The following SEC16B variants were observed in gnomAD, a reference collection of about 807,000 sequenced individuals.
SEC16B encodes the protein SEC16 homolog B, endoplasmic reticulum export factor.
In SEC16B, 115 loss-of-function variants were observed where a neutral mutation model predicts 141.8. The ratio of observed to expected loss-of-function variants is 0.81; its 90% CI spans 0.70 to 0.95. The LOEUF is 0.95. SEC16B is among the 40% of genes least tolerant of loss of function. SEC16B has a pLI of 0.00. For synonymous variants in SEC16B, 493 were observed against 492.5 expected (o/e 1.00, Z -0.01); for missense variants, 1,291 against 1,312.3 (o/e 0.98, Z 0.25).
chr1:177,948,922 T>TAC (rs71108020), intron 12 of SEC16B, among the ~76,000 whole-genome samples: 29,027 of 149,108 alleles, frequency 0.19, 2,681 homozygotes, highest in African/African-American at 0.22. Context: ...TAGGTATAAA[T>TAC]ACACACACAC....
chr1:177,958,361 G>C lies in SEC16B; in HGVS notation c.1136C>G (p.Ser379Cys), dbSNP rs904015405. ...LLVLLCRQNG[S>C]MVGSDIAELL... ...CTCAGCGATGTCAGACCCCACCATG[G>C]ACTGTAAGGCAAAGAGGATCATCTG... The change falls in exon 10 of 26, where the codon TCC becomes TGC. Residue 379 changes from serine (S) to cysteine (C), a missense_variant and splice_region_variant. By Grantham distance (112) the Ser-to-Cys change is moderately radical. Around this residue, in one of 3 missense-constraint regions of SEC16B, gnomAD observed 681 missense variants for 675.5 expected, o/e 1.01. Transcript: ENST00000308284. The C allele has an allele frequency of 7.0e-6, 11 of 1,582,602 alleles. No individual in the cohort carries two copies. The highest frequency in any genetic ancestry group is 9.5e-6 in the Non-Finnish European group (11 of 1,163,688).
chr1:177,933,620 C>G lies in SEC16B; in HGVS notation c.2588G>C (p.Arg863Thr), dbSNP rs187677582. 44 of 1,613,918 alleles carry G rather than the reference C, an allele frequency of 2.7e-5. No homozygotes were observed. The highest frequency in any genetic ancestry group is 3.6e-5 in the Non-Finnish European group (42 of 1,179,830). Residue 863 changes from arginine to threonine, a missense_variant, in exon 21 of 26, where the codon AGA becomes ACA. Arg to Thr is a moderately conservative substitution (Grantham distance 71). Transcript: ENST00000308284. ...ISKPQTPLAA[R>T]PRSISESSAS... ...GGAACTCTCAGAAATACTTCGTGGT[C>G]TAGCAGCCAATGGTGTCTGGAATTA...
chr1:177,944,586 G>A lies in SEC16B; in HGVS notation c.1856C>T (p.Pro619Leu), dbSNP rs1331551888. 1 of 1,613,672 alleles carries A rather than the reference G, an allele frequency of 6.2e-7. No individual in the cohort carries two copies. Among genetic ancestry groups the A allele is most frequent in the Non-Finnish European group, 8.5e-7 (1 of 1,179,772 alleles). ...IFEYCQMLGR[P>L]KSFIPSFQVY... Reference sequence around the variant, plus strand: ...CTGGAAAGAAGGGATGAAGGATTTGGGGCGGCCCAGCATCTGACAGTACTC... The same window carrying A: ...CTGGAAAGAAGGGATGAAGGATTTGAGGCGGCCCAGCATCTGACAGTACTC... The change falls in exon 15 of 26, where the codon CCC becomes CTC. Residue 619 changes from proline to leucine, a missense_variant. By Grantham distance (98) the Pro-to-Leu change is moderately conservative. Transcript: ENST00000308284.
chr1:177,930,687 C>T (rs760932567), intron 24 of SEC16B, 44 bp from the exon 25 acceptor site: 3 of 1,433,726 alleles, frequency 2.1e-6, no homozygotes, highest in Non-Finnish European at 2.9e-6. Context: ...GCCTGCCTCC[C>T]AGATTCCAGA....
Position 177,947,903 on chromosome 1 carries a change from A to G in SEC16B, c.1585T>C (p.Leu529=), listed in dbSNP as rs1427457872. 3 of 1,559,082 alleles carry G rather than the reference A, an allele frequency of 1.9e-6. No individual in the cohort carries two copies. The South Asian group carries it at 3.6e-5, about 18-fold the overall frequency. The part of the protein sequence containing the change: ...EKQWGDWRPH[L]AVILSNQAGD... ...GCCTGATTCGACAGAATCACAGCCA[A>G]GTGAGGCCTCCAGTCTCCCCACTGC... The change falls in exon 13 of 26, where the codon TTG becomes CTG. Residue 529 remains leucine (L), a synonymous_variant. Transcript: ENST00000308284.
intron 20 of SEC16B, among the ~76,000 whole-genome samples, chr1:177,934,786 G>A (rs917408814): frequency 3.3e-5 from 5 of 152,286 alleles, no homozygotes; most frequent in Non-Finnish European, 5.9e-5. Flanking sequence ...AGGATGACCA[G>A]CACTGTGTGT....
chr1:177,965,320 A>G (rs1653429039), intron 3 of SEC16B, among the ~76,000 whole-genome samples, 153 bp from the exon 4 acceptor site: 1 of 152,146 alleles, frequency 6.6e-6, no homozygotes, highest in Admixed American at 6.5e-5. Context: ...GAGAGCTAAT[A>G]AAGAAAGTCC....
rs540147944 is a variant in SEC16B at position 177,964,349 on chromosome 1, G to A, written c.534-70C>T. ...CAGCAAGGCTGAGGCACTCTCCGCC[G>A]GAAGCTGACCTGCTCCAAAGCGTGG... On this transcript the variant is annotated intron_variant, in intron 4 of 25. Transcript: ENST00000308284. The A allele has an allele frequency of 6.2e-5, 70 of 1,129,794 alleles. No individual in the cohort carries two copies. The African/African-American group carries it at 6.5e-4, about 11-fold the overall frequency. 70.0% of individuals were successfully genotyped at this position (1,129,794 alleles called of 1,614,324 possible). A position where few individuals can be genotyped will look rare whatever the true frequency, so the allele number is the denominator to read the frequency against.
Position 177,939,636 on chromosome 1 carries a change from C to A in SEC16B, c.2203+66G>T. 3.8e-6 allele frequency: 5 copies of A among 1,332,064 alleles called. No homozygotes were observed. In the South Asian group the frequency reaches 6.4e-5, roughly 17 times the overall value. The allele number at this position is 1,332,064 out of a possible 1,614,324, so 82.5% of individuals were successfully genotyped here. ...AAAGGGCGAGTGCTTTCATAAATTACTTTGTCTCGTAGAATCAGATCCTGA... is the reference window on the plus strand; with the variant it reads ...AAAGGGCGAGTGCTTTCATAAATTAATTTGTCTCGTAGAATCAGATCCTGA... On this transcript the variant is annotated intron_variant, in intron 18 of 25. Transcript: ENST00000308284.
In SEC16B at chr1:177,961,514, TGACTTTCCCAGA is replaced by T. The variant is rs1653055666; in HGVS notation, c.787+64_787+75del. 1.6e-5 allele frequency: 24 copies of T among 1,498,296 alleles called. No individual in the cohort carries two copies. The South Asian group carries it at 3.0e-4, about 18-fold the overall frequency. 92.8% of individuals were successfully genotyped at this position (1,498,296 alleles called of 1,614,324 possible). A position where few individuals can be genotyped will look rare whatever the true frequency, so the allele number is the denominator to read the frequency against. ...GGTGGACAATGATCCATCGTAAGGC[TGACTTTCCCAGA>T]GACTTGCCACCCAGCCCTTCCACAT... On this transcript the variant is annotated intron_variant, in intron 6 of 25. Transcript: ENST00000308284.
Position 177,940,585 on chromosome 1 carries a change from A to G in SEC16B, c.2127+25T>C, listed in dbSNP as rs115775155. The G allele has an allele frequency of 9.4e-4, 1,458 of 1,552,634 alleles. 15 individuals are homozygous for G. In the African/African-American group the frequency reaches 0.018, roughly 19 times the overall value. On this transcript the variant is annotated intron_variant, in intron 17 of 25. Transcript: ENST00000308284. Reference sequence around the variant, plus strand: ...AGGGAAACAAAGGCCAGTCCCCCCAACGCCCTGGCTCCAATCCCACTCACC... The same window carrying G: ...AGGGAAACAAAGGCCAGTCCCCCCAGCGCCCTGGCTCCAATCCCACTCACC...
At chr1:177,944,385 A>T (rs1317654233) in intron 15 of SEC16B, among the ~76,000 whole-genome samples, 176 bp downstream of exon 15, 1 of 152,230 alleles carries the variant, frequency 6.6e-6, no homozygotes, top group Admixed American at 6.5e-5. Context: ...ATTATAAAAT[A>T]CAGACCTTTA....
Position 177,942,041 on chromosome 1 carries a change from C to G in SEC16B, c.1882-1G>C. The G allele has an allele frequency of 6.2e-7, 1 of 1,611,688 alleles. No homozygotes were observed. Among genetic ancestry groups the G allele is most frequent in the Non-Finnish European group, 8.5e-7 (1 of 1,178,834 alleles). ...GGGAAGCATAAAGGAGCTTATACAC[C>G]TGTGAAGAGAAAAGAGTCAGTGACT... On this transcript the variant is annotated splice_acceptor_variant, in intron 15 of 25. Coordinates refer to ENST00000308284, the MANE Select transcript of SEC16B (RefSeq NM_033127.4). LOFTEE classifies it high-confidence loss of function.
At chr1:177,982,713 T>C (rs2102035067) in intron 1 of SEC16B, among the ~76,000 whole-genome samples, 1 of 152,296 alleles carries the variant, frequency 6.6e-6, no homozygotes, top group East Asian at 1.9e-4. Flanking sequence ...ATAGCCTGGC[T>C]AATTTTTATT....
Position 177,968,006 on chromosome 1 carries a change from G to A in SEC16B, c.-25C>T. ...TCCTTGACTCTCTGAATTTGTCCTG[G>A]GTTTTGAGTAAGTTGTGCAGTTATT... On this transcript the variant is annotated 5_prime_UTR_variant, in exon 2 of 26. Coordinates refer to ENST00000308284, the MANE Select transcript of SEC16B (RefSeq NM_033127.4). 2 of 1,571,576 alleles carry A rather than the reference G, an allele frequency of 1.3e-6. No homozygotes were observed. The highest frequency in any genetic ancestry group is 1.7e-6 in the Non-Finnish European group (2 of 1,154,604).
Position 177,951,995 on chromosome 1 carries a change from G to T in SEC16B, c.1464C>A (p.Gly488=). The change falls in exon 12 of 26, where the codon GGC becomes GGA. Residue 488 remains glycine, a splice_region_variant and synonymous_variant. Coordinates refer to ENST00000308284, the MANE Select transcript of SEC16B (RefSeq NM_033127.4). The part of the protein sequence containing the change: ...DPQTYSWVMS[G]FTSTLALNDP... Reference sequence around the variant, plus strand: ...CATTGAGCGCCAGCGTGCTGGTGAAGCTGCGGAGAGAAGGATAGTCAGCGA... The same window carrying T: ...CATTGAGCGCCAGCGTGCTGGTGAATCTGCGGAGAGAAGGATAGTCAGCGA... 6.3e-7 allele frequency: 1 copy of T among 1,597,788 alleles called. No homozygotes were observed. Among genetic ancestry groups the T allele is most frequent in the South Asian group, 1.1e-5 (1 of 87,738 alleles).
chr1:177,935,267 A>C (rs1650748848), intron 20 of SEC16B, among the ~76,000 whole-genome samples: 1 of 152,064 alleles, frequency 6.6e-6, no homozygotes, highest in Non-Finnish European at 1.5e-5. Context: ...TGATGTGCTG[A>C]TGCCTCCCCA....
intron 10 of SEC16B, among the ~76,000 whole-genome samples, chr1:177,956,661 G>C (rs1465747105): frequency 6.6e-6 from 1 of 152,024 alleles, no homozygotes; most frequent in African/African-American, 2.4e-5. Flanking sequence ...AATTAAGCTA[G>C]AAATCAATCT....
At chr1:177,955,497 C>T (rs1352802727) in intron 10 of SEC16B, among the ~76,000 whole-genome samples, 2 of 152,108 alleles carry the variant, frequency 1.3e-5, no homozygotes, top group Non-Finnish European at 2.9e-5. Flanking sequence ...ACAGGCCATG[C>T]CATCATGCCT....
Sources: allele counts gnomAD v4.1 joint callset (sites outside exome capture counted in the v4.1 genomes callset), GRCh38; gene constraint gnomAD v4.1.1; regional missense constraint gnomAD v4.1.1; transcripts MANE v1.5; gene names NCBI Gene and HGNC (gene_info 2026-07-23, HGNC 2026-07-21).